Variants in ANO3 observed in about 807,000 individuals in gnomAD.
The protein encoded by ANO3 is anoctamin 3.
ANO3 carries 99 observed loss-of-function variants against 144.8 expected under a neutral mutation model. The observed-to-expected ratio is 0.68, with a 90% CI of 0.58 to 0.81. The LOEUF (loss-of-function observed/expected upper bound fraction) is 0.81. ANO3 is among the 30% of genes least tolerant of loss of function. ANO3 has a pLI of 0.00. For synonymous variants in ANO3, 414 were observed against 392.6 expected (o/e 1.05, Z -0.64); for missense variants, 905 against 1,202.2 (o/e 0.75, Z 3.66).
upstream of ANO3, among the ~76,000 whole-genome samples, chr11:26,306,664 T>TA (rs1176221388): frequency 1.3e-5 from 2 of 150,612 alleles, no homozygotes; most frequent in African/African-American, 2.4e-5. Flanking sequence ...ATCCTGTCTC[T>TA]AAAAAAAAAG....
At chr11:26,265,260 T>C (rs1853284356) in intron 1 of ANO3, among the ~76,000 whole-genome samples, 1 of 152,212 alleles carries the variant, frequency 6.6e-6, no homozygotes, top group Non-Finnish European at 1.5e-5. Flanking sequence ...CAATGGTTTT[T>C]CTTTGTCCTT....
chr11:26,439,668 G>A (rs1565025669), intron 1 of ANO3, among the ~76,000 whole-genome samples: 1 of 152,172 alleles, frequency 6.6e-6, no homozygotes, highest in African/African-American at 2.4e-5. Flanking sequence ...CGAAAAGTCT[G>A]GGATAGATCT....
At chr11:26,382,238 C>G (rs936933206) in intron 1 of ANO3, among the ~76,000 whole-genome samples, 3 of 152,200 alleles carry the variant, frequency 2.0e-5, no homozygotes, top group Admixed American at 1.3e-4. Context: ...AGTTCCAAGA[C>G]AGTAACACTG....
At chr11:26,390,826 G>A (rs993956862) in intron 1 of ANO3, among the ~76,000 whole-genome samples, 2 of 152,058 alleles carry the variant, frequency 1.3e-5, no homozygotes, top group African/African-American at 4.8e-5. Flanking sequence ...TATGTGACAT[G>A]CATAAATTCT....
At chr11:26,550,256 T>A (rs967629209) in intron 12 of ANO3, among the ~76,000 whole-genome samples, 1 of 151,768 alleles carries the variant, frequency 6.6e-6, no homozygotes, top group Non-Finnish European at 1.5e-5. Flanking sequence ...ATCAATTGAT[T>A]ATTAATAAAT....
At chr11:26,441,106 GTTTTTTTTTT>G (rs1022676698) in intron 1 of ANO3, among the ~76,000 whole-genome samples, 42 of 86,548 alleles carry the variant, frequency 4.9e-4, no homozygotes, top group African/African-American at 1.9e-3. Context: ...TTGCTGCCCA[GTTTTTTTTTT>G]TTTTTTTTTT....
upstream of ANO3, among the ~76,000 whole-genome samples, chr11:26,327,605 G>A (rs1449497368): frequency 6.6e-6 from 1 of 152,190 alleles, no homozygotes; most frequent in African/African-American, 2.4e-5. Flanking sequence ...ATTGGAAAGT[G>A]CTGCAAGAAA....
intron 4 of ANO3, among the ~76,000 whole-genome samples, chr11:26,466,041 GA>G (rs1859591243): frequency 6.6e-6 from 1 of 151,784 alleles, no homozygotes; most frequent in Non-Finnish European, 1.5e-5. Context: ...CTATAATTTT[GA>G]TATCTACTAT....
intron 17 of ANO3, among the ~76,000 whole-genome samples, chr11:26,613,349 G>C (rs932581955): frequency 1.3e-5 from 2 of 151,912 alleles, no homozygotes; most frequent in African/African-American, 4.8e-5. Flanking sequence ...TCTTTTTTAT[G>C]TCTATCTTTT....
chr11:26,411,732 T>A (rs1857439614), intron 1 of ANO3, among the ~76,000 whole-genome samples: 1 of 151,942 alleles, frequency 6.6e-6, no homozygotes, highest in Admixed American at 6.6e-5. Context: ...CCATCCATTT[T>A]TTTTTTTGCC....
At chr11:26,653,061 A>G (rs192435085) in intron 24 of ANO3, among the ~76,000 whole-genome samples, 8 of 152,336 alleles carry the variant, frequency 5.3e-5, no homozygotes, top group Admixed American at 3.3e-4. Flanking sequence ...CAAGGGCTCA[A>G]TCTATGGACT....
At chr11:26,659,363 CTT>C (rs34724600) in intron 26 of ANO3, among the ~76,000 whole-genome samples, 2 of 146,422 alleles carry the variant, frequency 1.4e-5, no homozygotes, top group Non-Finnish European at 1.5e-5. Context: ...TTTATTCCTG[CTT>C]TTTTTTTTTA....
chr11:26,582,174 G>A (rs886157239), intron 14 of ANO3, among the ~76,000 whole-genome samples: 2 of 152,114 alleles, frequency 1.3e-5, no homozygotes, highest in Non-Finnish European at 2.9e-5. Flanking sequence ...GTACCACACT[G>A]CTGTTCCTGT....
At chr11:26,650,274 G>A (rs938179536) in intron 24 of ANO3, among the ~76,000 whole-genome samples, 2 of 152,148 alleles carry the variant, frequency 1.3e-5, no homozygotes, top group Admixed American at 6.5e-5. Context: ...TGGCAAAAGA[G>A]TAGGTGAAAT....
At chr11:26,603,475 G>C (rs1484718502) in intron 17 of ANO3, among the ~76,000 whole-genome samples, 2 of 151,760 alleles carry the variant, frequency 1.3e-5, no homozygotes, top group Non-Finnish European at 2.9e-5. Context: ...TATCATTGTA[G>C]TATTATTTAG....
At chr11:26,236,603 G>A (rs1322184390) in intron 1 of ANO3, among the ~76,000 whole-genome samples, 1 of 152,074 alleles carries the variant, frequency 6.6e-6, no homozygotes, top group Non-Finnish European at 1.5e-5. Flanking sequence ...CGGATCACGA[G>A]GTCAGGAGAC....
intron 1 of ANO3, among the ~76,000 whole-genome samples, chr11:26,237,948 G>C (rs986457101): frequency 1.3e-5 from 2 of 152,102 alleles, no homozygotes; most frequent in African/African-American, 4.8e-5. Flanking sequence ...CTAAAATAAA[G>C]AGTCTTTATC....
chr11:26,232,925 T>C (rs3108825), intron 1 of ANO3, among the ~76,000 whole-genome samples: 5 of 152,070 alleles, frequency 3.3e-5, no homozygotes, highest in Non-Finnish European at 7.3e-5. Flanking sequence ...GGAACTTAAA[T>C]AAATTTACCA....
At chr11:26,226,765 T>C (rs1292254227) in intron 1 of ANO3, among the ~76,000 whole-genome samples, 2 of 152,186 alleles carry the variant, frequency 1.3e-5, no homozygotes, top group East Asian at 1.9e-4. Context: ...CTTTTTGTTT[T>C]TAAACTTTTA....
Sources: allele counts gnomAD v4.1 joint callset (sites outside exome capture counted in the v4.1 genomes callset), GRCh38; gene constraint gnomAD v4.1.1; transcripts MANE v1.5; gene names NCBI Gene and HGNC (gene_info 2026-07-23, HGNC 2026-07-21).